DOK5: variants seen among roughly 807,000 people sequenced by gnomAD.
The protein encoded by DOK5 is docking protein 5, also known as downstream of tyrosine kinase 5.
DOK5 carries 27 observed loss-of-function variants against 43.3 expected under a neutral mutation model. The ratio of observed to expected loss-of-function variants is 0.62; its 90% CI spans 0.46 to 0.86. DOK5 has a LOEUF of 0.86. Ranked by LOEUF, DOK5 falls within the 40% of genes least tolerant of loss-of-function variation. The probability of loss-of-function intolerance (pLI) is 0.00; values close to 1 mark genes in which losing one functional copy is unlikely to be tolerated. For missense variants in DOK5, 373 were observed against 392.9 expected, an observed-to-expected ratio of 0.95 and a Z score of 0.43; for synonymous variants, 146 against 140.1, an observed-to-expected ratio of 1.04 and a Z score of -0.30.
intron 6 of DOK5, among the ~76,000 whole-genome samples, chr20:54,611,313 A>T (rs1986643025): frequency 6.6e-6 from 1 of 152,132 alleles, no homozygotes; most frequent in African/African-American, 2.4e-5. Context: ...GTAATCCCAG[A>T]ACTGTAATCA....
chr20:54,480,781 C>T (rs891105889), intron 1 of DOK5, among the ~76,000 whole-genome samples: 1 of 152,116 alleles, frequency 6.6e-6, no homozygotes, highest in Non-Finnish European at 1.5e-5. Flanking sequence ...AGAACCCTCT[C>T]GTTCACTGTT....
intron 6 of DOK5, among the ~76,000 whole-genome samples, chr20:54,642,510 C>T (rs1979167037): frequency 6.9e-6 from 1 of 144,310 alleles, no homozygotes; most frequent in Non-Finnish European, 1.5e-5. Flanking sequence ...TCGAAATCAG[C>T]CTGGCCAACA....
intron 6 of DOK5, among the ~76,000 whole-genome samples, chr20:54,630,318 C>A (rs1568819745): frequency 6.6e-6 from 1 of 152,104 alleles, no homozygotes; most frequent in Non-Finnish European, 1.5e-5. Context: ...AGGAGATAGT[C>A]AATCTCAAGA....
chr20:54,534,108 C>T (rs1354421562), intron 1 of DOK5, among the ~76,000 whole-genome samples: 1 of 152,128 alleles, frequency 6.6e-6, no homozygotes, highest in East Asian at 1.9e-4. Context: ...GGTAAAGATT[C>T]GTTTTTGATC....
intron 1 of DOK5, among the ~76,000 whole-genome samples, chr20:54,493,914 G>A (rs574022500): frequency 6.6e-6 from 1 of 152,186 alleles, no homozygotes; most frequent in African/African-American, 2.4e-5. Context: ...ACTCCAGCCT[G>A]GGTGACAGAC....
chr20:54,549,951 C>G (rs561320239), intron 1 of DOK5, among the ~76,000 whole-genome samples: 2 of 152,182 alleles, frequency 1.3e-5, no homozygotes, highest in African/African-American at 4.8e-5. Flanking sequence ...AATTACAGTT[C>G]TCAGGTGGTG....
intron 6 of DOK5, among the ~76,000 whole-genome samples, chr20:54,642,475 G>A (rs542908341): frequency 1.9e-4 from 28 of 151,092 alleles, no homozygotes; most frequent in African/African-American, 6.3e-4. Flanking sequence ...AGGCCGAGGT[G>A]GGTGGATCAC....
intron 5 of DOK5, among the ~76,000 whole-genome samples, chr20:54,604,711 T>C (rs1986409199): frequency 6.6e-6 from 1 of 152,094 alleles, no homozygotes; most frequent in Non-Finnish European, 1.5e-5. Context: ...ACCTTAAATA[T>C]ACATGTTGGC....
intron 6 of DOK5, among the ~76,000 whole-genome samples, chr20:54,634,443 T>TTC (rs1199632432): frequency 7.2e-6 from 1 of 138,304 alleles, no homozygotes; most frequent in Non-Finnish European, 1.6e-5. Context: ...CATGCTTTTT[T>TTC]TTTTTTTTTT....
rs114253487 is a variant in DOK5, at chr20:54,626,720, G to A, written c.735+16197G>A. Among the ~76,000 whole-genome samples, 1,205 of 152,206 alleles carry A rather than the reference G, an allele frequency of 7.9e-3. 23 individuals are homozygous for A. The highest frequency in any genetic ancestry group is 0.026 in the African/African-American group (1,100 of 41,524). ...GATACATACAAAAGATGGGTGTCGT[G>A]ATGCAATTGTTTATTTTACAAAATT... On this transcript the variant is annotated intron_variant, in intron 6 of 7. Transcript: ENST00000262593.
chr20:54,605,178 A>C (rs1035221295), intron 5 of DOK5, among the ~76,000 whole-genome samples: 1 of 152,108 alleles, frequency 6.6e-6, no homozygotes, highest in African/African-American at 2.4e-5. Flanking sequence ...CACAGAATAC[A>C]TCTTGGAAGC....
intron 1 of DOK5, among the ~76,000 whole-genome samples, chr20:54,485,353 CAAAA>C (rs546070379): frequency 2.6e-5 from 2 of 77,378 alleles, no homozygotes; most frequent in African/African-American, 4.2e-5. Flanking sequence ...GACTCCGTCT[CAAAA>C]AAAAAAAAAA....
intron 5 of DOK5, among the ~76,000 whole-genome samples, chr20:54,605,022 T>TAC (rs1376401515): frequency 3.5e-4 from 45 of 128,802 alleles, no homozygotes; most frequent in Middle Eastern, 3.6e-3. Flanking sequence ...AATATATATA[T>TAC]ATACACACAC....
intron 6 of DOK5, among the ~76,000 whole-genome samples, chr20:54,642,563 A>AAG (rs1555839399): frequency 7.1e-6 from 1 of 141,766 alleles, no homozygotes; most frequent in African/African-American, 3.1e-5. Flanking sequence ...AAAAAAAAAA[A>AAG]AAAAAGAAAA....
At chr20:54,579,508 T>A (rs926580866) in intron 2 of DOK5, among the ~76,000 whole-genome samples, 4 of 152,114 alleles carry the variant, frequency 2.6e-5, no homozygotes, top group African/African-American at 7.2e-5. Flanking sequence ...AGGGCTTTTT[T>A]AAATCACGTG....
intron 6 of DOK5, among the ~76,000 whole-genome samples, chr20:54,624,206 G>A (rs1382802933): frequency 6.6e-6 from 1 of 152,212 alleles, no homozygotes; most frequent in Non-Finnish European, 1.5e-5. Context: ...ACATGGTGTA[G>A]GCGATTCTGC....
intron 6 of DOK5, among the ~76,000 whole-genome samples, chr20:54,613,553 G>A (rs6091933): frequency 0.067 from 10,248 of 152,180 alleles, 385 homozygotes; most frequent in Middle Eastern, 0.096. Context: ...TTAACTAGGT[G>A]GATGTAGAAA....
At chr20:54,572,529 T>C (rs1009613985) in intron 2 of DOK5, among the ~76,000 whole-genome samples, 1 of 152,158 alleles carries the variant, frequency 6.6e-6, no homozygotes, top group African/African-American at 2.4e-5. Context: ...AAAAATTAAA[T>C]GACATGATTG....
At chr20:54,490,095 C>A (rs1600656825) in intron 1 of DOK5, among the ~76,000 whole-genome samples, 1 of 152,094 alleles carries the variant, frequency 6.6e-6, no homozygotes, top group South Asian at 2.1e-4. Flanking sequence ...GTTGTGCAGG[C>A]TTTTTTCTTT....
Sources: allele counts gnomAD v4.1 joint callset (sites outside exome capture counted in the v4.1 genomes callset), GRCh38; gene constraint gnomAD v4.1.1; transcripts MANE v1.5; gene names NCBI Gene and HGNC (gene_info 2026-07-23, HGNC 2026-07-21).